The following C2 variants were observed in gnomAD, a reference collection of about 807,000 sequenced individuals.
The protein encoded by C2 is C3/C5 convertase.
A neutral mutation model predicts 85.2 loss-of-function variants in C2; 64 were observed. That is an observed-to-expected ratio of 0.75 (90% CI 0.61 to 0.92). C2 has a LOEUF of 0.92. Ranked by LOEUF, C2 falls within the 40% of genes least tolerant of loss-of-function variation. The probability of loss-of-function intolerance (pLI) is 0.00; values close to 1 mark genes in which losing one functional copy is unlikely to be tolerated. For missense variants in C2, 820 were observed against 971.6 expected (o/e 0.84, Z 2.07); for synonymous variants, 311 against 370.8 (o/e 0.84, Z 1.85).
At chr6:31,910,965 G>A (rs890699683) in intron 1 of C2, among the ~76,000 whole-genome samples, 2 of 151,490 alleles carry the variant, frequency 1.3e-5, no homozygotes, top group African/African-American at 4.9e-5. Context: ...GGGTGACAGA[G>A]CAAGCTTCCA....
rs1771259408 is a variant in C2 at position 31,945,043 on chromosome 6, A to G, written c.2079+14A>G. On this transcript the variant is annotated intron_variant, in intron 17 of 17. Transcript: ENST00000299367. This position sits in a 1 kb window ranked among gnomAD's most constrained non-coding sequence, Gnocchi z 5.3. ...AGGTTTTTTCAGGTGAGAAGGTAGA[A>G]GCTTGCAGGACCCAGGGGTTACAGG... The G allele has an allele frequency of 6.2e-7, 1 of 1,612,942 alleles. No homozygotes were observed. Among genetic ancestry groups the G allele is most frequent in the South Asian group, 1.1e-5 (1 of 91,070 alleles).
upstream of C2, chr6:31,899,750 C>G: frequency 1.4e-6 from 1 of 698,670 alleles, no homozygotes; most frequent in Non-Finnish European, 2.3e-6. Context: ...CTTGCACTCT[C>G]AAGAGCAAGT....
At chr6:31,927,607 C>G (rs1769352916), upstream of C2, 3 of 1,584,442 alleles carry the variant, frequency 1.9e-6, no homozygotes, top group African/African-American at 2.7e-5. The surrounding 1 kb of genome is among the most constrained non-coding windows in gnomAD (Gnocchi z 4.7). Flanking sequence ...ATTTCCCTAA[C>G]AGAAGACCAT....
intron 5 of C2, 24 bp from the exon 6 acceptor site, chr6:31,934,142 T>C: frequency 6.2e-7 from 1 of 1,613,222 alleles, no homozygotes; most frequent in Non-Finnish European, 8.5e-7. Flanking sequence ...GGGATCTGAA[T>C]CCTCCCCTTC....
upstream of C2, chr6:31,900,410 G>A (rs757236754): frequency 6.7e-7 from 1 of 1,500,994 alleles, no homozygotes; most frequent in Non-Finnish European, 8.9e-7. This position sits in a 1 kb window ranked among gnomAD's most constrained non-coding sequence, Gnocchi z 9.7. Flanking sequence ...CATGGCCACC[G>A]CTGCTGCTTC....
At chr6:31,899,103 TG>T (rs1310395306), upstream of C2, among the ~76,000 whole-genome samples, 2 of 151,862 alleles carry the variant, frequency 1.3e-5, no homozygotes, top group African/African-American at 4.8e-5. Context: ...TTTTATTTTG[TG>T]GAAAACAAAA....
chr6:31,930,024 C>T (rs1769604948), intron 3 of C2, among the ~76,000 whole-genome samples: 1 of 150,918 alleles, frequency 6.6e-6, no homozygotes, highest in Non-Finnish European at 1.5e-5. Context: ...AACAAACAAA[C>T]AAACAAACAA....
At chr6:31,897,951 C>T (rs1285713297), upstream of C2, 5 of 1,038,534 alleles carry the variant, frequency 4.8e-6, no homozygotes, top group Admixed American at 5.6e-5. Context: ...AGGTAACAAG[C>T]GGAGCTTCTG....
intron 1 of C2, among the ~76,000 whole-genome samples, chr6:31,907,608 G>T (rs1767802512): frequency 7.1e-6 from 1 of 140,564 alleles, no homozygotes; most frequent in African/African-American, 2.6e-5. Flanking sequence ...AAAAAAAAGT[G>T]GTTTCTTTTG....
At position 31,908,855 on chromosome 6, in the gene C2, C is replaced by T. The variant is rs755227206; in HGVS notation, c.73+7716C>T. On this transcript the variant is annotated intron_variant, in intron 1 of 3. Transcript: ENST00000452202. ...TAAGGTTACATACATTGTTTTTAGACGTATGCTATTGCACACTGAATAGAC... is the reference window on the plus strand; with the variant it reads ...TAAGGTTACATACATTGTTTTTAGATGTATGCTATTGCACACTGAATAGAC... 1.6e-4 allele frequency among the ~76,000 whole-genome samples: 24 copies of T among 151,990 alleles called. 1 individual carries two copies. Among genetic ancestry groups the T allele is most frequent in the Admixed American group, 5.2e-4 (8 of 15,244 alleles).
upstream of C2, among the ~76,000 whole-genome samples, chr6:31,926,702 T>C (rs1271908791): frequency 6.6e-6 from 1 of 152,074 alleles, no homozygotes; most frequent in Non-Finnish European, 1.5e-5. Flanking sequence ...TGGCACAATC[T>C]TGGCTCACTG....
chr6:31,902,296 C>T (rs890583313), intron 1 of C2, among the ~76,000 whole-genome samples: 2 of 151,796 alleles, frequency 1.3e-5, no homozygotes, highest in Admixed American at 1.3e-4. Context: ...GCGTGCGTGC[C>T]AAGTGCCGCG....
Position 31,927,869 on chromosome 6 carries a change from G to A in C2, c.46+71G>A. 1 of 1,583,626 alleles carries A rather than the reference G, an allele frequency of 6.3e-7. No individual in the cohort carries two copies. Among genetic ancestry groups the A allele is most frequent in the South Asian group, 1.1e-5 (1 of 90,486 alleles). Reference sequence around the variant, plus strand: ...TGGTGCTCCCAGCTTGAATTCCCATGTGTGAAACAGTCTCTTTTGCTTTCC... The same window carrying A: ...TGGTGCTCCCAGCTTGAATTCCCATATGTGAAACAGTCTCTTTTGCTTTCC... On this transcript the variant is annotated intron_variant, in intron 1 of 17. Transcript: ENST00000299367. This position sits in a 1 kb window ranked among gnomAD's most constrained non-coding sequence, Gnocchi z 4.7.
chr6:31,941,688 G>T (rs1770888886), intron 9 of C2: 1 of 152,042 alleles, frequency 6.6e-6, no homozygotes, highest in African/African-American at 2.4e-5. Context: ...TTTTAGTAGA[G>T]ACATGGTCTC....
chr6:31,927,899 C>T lies in C2; in HGVS notation c.47-56C>T, dbSNP rs1206563869. 1 of 1,594,474 alleles carries T rather than the reference C, an allele frequency of 6.3e-7. No individual in the cohort carries two copies. Among genetic ancestry groups the T allele is most frequent in the Non-Finnish European group, 8.6e-7 (1 of 1,162,106 alleles). ...AAACAGTCTCTTTTGCTTTCCTTTT[C>T]TCATCTGTGTCTTCCTTCTTTCTCC... On this transcript the variant is annotated intron_variant, in intron 1 of 17. Coordinates refer to ENST00000299367, the MANE Select transcript of C2 (RefSeq NM_000063.6). This position sits in a 1 kb window ranked among gnomAD's most constrained non-coding sequence, Gnocchi z 4.7.
chr6:31,927,708 C>G (rs1769360319), upstream of C2: 1 of 1,612,912 alleles, frequency 6.2e-7, no homozygotes, highest in Non-Finnish European at 8.5e-7. This position sits in a 1 kb window ranked among gnomAD's most constrained non-coding sequence, Gnocchi z 4.7. Context: ...ATGACCTTTT[C>G]CCTCCCGCGG....
chr6:31,931,017 C>A (rs951635028), intron 3 of C2, among the ~76,000 whole-genome samples: 1 of 152,194 alleles, frequency 6.6e-6, no homozygotes, highest in Non-Finnish European at 1.5e-5. Context: ...GGACTAGGTA[C>A]CTTGTGCTTA....
rs9332712 is a variant in C2, at chr6:31,929,974, T to C, written c.442+1057T>C. Among the ~76,000 whole-genome samples the C allele has an allele frequency of 3.8e-3, 568 of 151,386 alleles. 4 individuals are homozygous for C. Among genetic ancestry groups the C allele is most frequent in the African/African-American group, 0.012 (496 of 41,274 alleles). On this transcript the variant is annotated intron_variant, in intron 3 of 17. Coordinates refer to ENST00000299367, the MANE Select transcript of C2 (RefSeq NM_000063.6). Reference sequence around the variant, plus strand: ...TTGCAGTGAGCCGAGATCGTGCCACTGCACTCCAGCCTGGGTGACAGAGTG... The same window carrying C: ...TTGCAGTGAGCCGAGATCGTGCCACCGCACTCCAGCCTGGGTGACAGAGTG...
chr6:31,937,675 C>T lies in C2; in HGVS notation c.1129+216C>T, dbSNP rs532895143. Among the ~76,000 whole-genome samples, 26 of 150,534 alleles carry T rather than the reference C, an allele frequency of 1.7e-4. 1 individual carries two copies. In the East Asian group the frequency reaches 4.8e-3, roughly 28 times the overall value. On this transcript the variant is annotated intron_variant, in intron 8 of 17. Transcript: ENST00000299367. ...TCAGCCTCCCAAAGTGCTGGGATTA[C>T]AGGCATGAGCCACCACACCTGGCCC...
Sources: gnomAD v4.1 joint callset for allele counts (sites outside exome capture counted in the v4.1 genomes callset) on GRCh38, gnomAD v4.1.1 for gene constraint, Gnocchi (gnomAD v3.1) non-coding constraint, MANE v1.5 for transcripts, NCBI Gene and HGNC (gene_info 2026-07-23, HGNC 2026-07-21) for gene names.